RYR2: variants seen among roughly 807,000 people sequenced by gnomAD.
RYR2 encodes the protein cardiac muscle ryanodine receptor-calcium release channel.
RYR2 carries 227 observed loss-of-function variants against 601.1 expected under a neutral mutation model. The ratio of observed to expected loss-of-function variants is 0.38; its 90% CI spans 0.34 to 0.42. The LOEUF (loss-of-function observed/expected upper bound fraction) is 0.42. Among genes scored for constraint, RYR2 ranks in the 10% least tolerant of loss-of-function variants. The pLI, the probability that RYR2 is intolerant of heterozygous loss-of-function variation, is 1.00. For missense variants in RYR2, 4,646 were observed against 6,156.5 expected (o/e 0.75, Z 8.21); for synonymous variants, 2,223 against 2,175.1 (o/e 1.02, Z -0.61).
At position 237,645,784 on chromosome 1, in the gene RYR2, G is replaced by C. The variant is rs577020713; in HGVS notation, c.7342+2337G>C. On this transcript the variant is annotated intron_variant, in intron 48 of 104. Coordinates refer to ENST00000366574, the MANE Select transcript of RYR2 (RefSeq NM_001035.3). ...TCTACATCGGGAGTCACAGTGGTTT[G>C]TGTGTGTGTTTGTGAATTTTGTATC... is the stretch of plus-strand genomic sequence containing the variant. Among the ~76,000 whole-genome samples, 459 of 151,656 alleles carry C rather than the reference G, an allele frequency of 3.0e-3. 2 individuals are homozygous for C. The highest frequency in any genetic ancestry group is 0.011 in the African/African-American group (435 of 41,376).
intron 3 of RYR2, among the ~76,000 whole-genome samples, chr1:237,338,265 T>A (rs771061654): frequency 2.6e-5 from 4 of 152,196 alleles, no homozygotes; most frequent in Non-Finnish European, 4.4e-5. Context: ...CTGATTTTCT[T>A]GCAAACCGAT....
rs115303770 is a variant in RYR2, at chr1:237,121,696, C to T, written c.48+79127C>T. 5.9e-3 allele frequency among the ~76,000 whole-genome samples: 904 copies of T among 152,150 alleles called. 2 individuals are homozygous for T. Among genetic ancestry groups the T allele is most frequent in the Non-Finnish European group, 9.6e-3 (653 of 68,008 alleles). On this transcript the variant is annotated intron_variant, in intron 1 of 104. Transcript: ENST00000366574. ...TTCTGATCTCAGTCCCAGGTGACACCCTAGACTGATAGTCAAGTATATGTT... is the reference window on the plus strand; with the variant it reads ...TTCTGATCTCAGTCCCAGGTGACACTCTAGACTGATAGTCAAGTATATGTT...
At chr1:237,382,287 G>C (rs1701584270) in intron 8 of RYR2, among the ~76,000 whole-genome samples, 1 of 152,148 alleles carries the variant, frequency 6.6e-6, no homozygotes, top group Admixed American at 6.5e-5. Context: ...TATCTAAAGG[G>C]TGATGGAAAA....
At chr1:237,259,685 T>C (rs1475650571) in intron 1 of RYR2, among the ~76,000 whole-genome samples, 1 of 152,192 alleles carries the variant, frequency 6.6e-6, no homozygotes, top group Non-Finnish European at 1.5e-5. Context: ...AAAGGTACAG[T>C]TGACTTCTCT....
At chr1:237,172,998 T>C (rs1677589098) in intron 1 of RYR2, among the ~76,000 whole-genome samples, 1 of 152,212 alleles carries the variant, frequency 6.6e-6, no homozygotes, top group East Asian at 1.9e-4. Flanking sequence ...GTATGAGCTG[T>C]TGGCAATCAT....
chr1:237,324,592 T>A (rs954602816), intron 2 of RYR2, among the ~76,000 whole-genome samples: 3 of 152,232 alleles, frequency 2.0e-5, no homozygotes, highest in African/African-American at 7.2e-5. Flanking sequence ...GATAAAATTA[T>A]AACTTATTGG....
chr1:237,111,329 C>T (rs11587273), intron 1 of RYR2, among the ~76,000 whole-genome samples: 23,796 of 152,110 alleles, frequency 0.16, 2,175 homozygotes, highest in Non-Finnish European at 0.19. Flanking sequence ...CTGCCAATTT[C>T]TCACAATACC....
At chr1:237,392,570 T>C (rs1400560019) in intron 10 of RYR2, among the ~76,000 whole-genome samples, 1 of 152,232 alleles carries the variant, frequency 6.6e-6, no homozygotes. Flanking sequence ...GTATTTTCTG[T>C]TCTAGATTTT....
chr1:237,173,648 C>T (rs533076364), intron 1 of RYR2, among the ~76,000 whole-genome samples: 39 of 152,226 alleles, frequency 2.6e-4, no homozygotes, highest in African/African-American at 7.7e-4. Flanking sequence ...TTCTACACAC[C>T]GCAAATACCT....
chr1:237,369,955 T>C (rs1027396197), intron 6 of RYR2, among the ~76,000 whole-genome samples: 1 of 152,262 alleles, frequency 6.6e-6, no homozygotes, highest in Non-Finnish European at 1.5e-5. Flanking sequence ...GGTATCTTTA[T>C]TGAAAGATCA....
At position 237,815,969 on chromosome 1, in the gene RYR2, C is replaced by G. The variant is rs543346725; in HGVS notation, c.14434-3067C>G. 5.3e-5 allele frequency among the ~76,000 whole-genome samples: 8 copies of G among 152,242 alleles called. No individual in the cohort carries two copies. The South Asian group carries it at 1.5e-3, about 28-fold the overall frequency. On this transcript the variant is annotated intron_variant, in intron 100 of 104. Transcript: ENST00000366574. ...GTGCAAGACCAAGAGTCTTGGTCAG[C>G]AGGAATCACCAAGAGGAACTGATGG...
rs1486248657 is a variant in RYR2, at chr1:237,654,260, G to T, written c.7825-14G>T. ...TTGATAGCTCATTGCTTTTATAATT[G>T]TTTTCCCACATAGCTGCTGACAAAT... is the stretch of plus-strand genomic sequence containing the variant. On this transcript the variant is annotated splice_polypyrimidine_tract_variant and intron_variant, in intron 51 of 104. Transcript: ENST00000366574. The T allele has an allele frequency of 6.2e-7, 1 of 1,611,704 alleles. No homozygotes were observed.
intron 3 of RYR2, among the ~76,000 whole-genome samples, chr1:237,341,303 G>A (rs1247141372): frequency 6.6e-6 from 1 of 152,106 alleles, no homozygotes; most frequent in African/African-American, 2.4e-5. Flanking sequence ...CAATTTATGA[G>A]TGACTTAAAG....
intron 10 of RYR2, among the ~76,000 whole-genome samples, chr1:237,390,803 G>A (rs539647139): frequency 2.0e-5 from 3 of 152,130 alleles, no homozygotes; most frequent in Non-Finnish European, 4.4e-5. Context: ...TTGATTTCAT[G>A]TTGATAATTT....
At chr1:237,141,324 C>A (rs1234904381) in intron 1 of RYR2, among the ~76,000 whole-genome samples, 1 of 150,640 alleles carries the variant, frequency 6.6e-6, no homozygotes, top group Non-Finnish European at 1.5e-5. Flanking sequence ...TAAAGGAAAT[C>A]TTCTTATTCC....
chr1:237,692,939 T>C (rs529556428), intron 63 of RYR2, among the ~76,000 whole-genome samples: 1 of 152,284 alleles, frequency 6.6e-6, no homozygotes, highest in Admixed American at 6.5e-5. Flanking sequence ...GCACTCTCAG[T>C]GCCTGGCAGG....
At chr1:237,052,265 C>A (rs1167404093) in intron 1 of RYR2, among the ~76,000 whole-genome samples, 3 of 152,072 alleles carry the variant, frequency 2.0e-5, no homozygotes, top group Non-Finnish European at 2.9e-5. Context: ...GCTTATGGTT[C>A]TAGGGGGATT....
At chr1:237,252,255 C>G (rs1001557939) in intron 1 of RYR2, among the ~76,000 whole-genome samples, 7 of 152,068 alleles carry the variant, frequency 4.6e-5, no homozygotes, top group African/African-American at 1.7e-4. Context: ...CTCAACTCAG[C>G]CCACCAGCCC....
At chr1:237,830,671 A>G in intron 103 of RYR2, 41 bp downstream of exon 103, 1 of 973,010 alleles carries the variant, frequency 1.0e-6, no homozygotes, top group Non-Finnish European at 1.7e-6. Context: ...TCTCCAGTAG[A>G]CGCCACTGGT....
Sources: allele counts gnomAD v4.1 joint callset (sites outside exome capture counted in the v4.1 genomes callset), GRCh38; gene constraint gnomAD v4.1.1; transcripts MANE v1.5; gene names NCBI Gene and HGNC (gene_info 2026-07-23, HGNC 2026-07-21).